Variants in R3HCC1L observed in about 807,000 individuals in gnomAD.
R3HCC1L encodes the protein R3H domain and coiled-coil containing 1 like.
A neutral mutation model predicts 59.9 loss-of-function variants in R3HCC1L; 51 were observed. That is an observed-to-expected ratio of 0.85 (90% confidence interval 0.68 to 1.07). The LOEUF is 1.07. R3HCC1L is among the 50% of genes least tolerant of loss of function. R3HCC1L has a pLI of 0.00. For synonymous variants in R3HCC1L, 322 were observed against 315.2 expected (o/e 1.02, Z -0.23); for missense variants, 965 against 933.0 (o/e 1.03, Z -0.45).
intron 5 of R3HCC1L, among the ~76,000 whole-genome samples, chr10:98,212,207 T>A (rs1853662285): frequency 6.6e-6 from 1 of 152,190 alleles, no homozygotes; most frequent in African/African-American, 2.4e-5. Flanking sequence ...TCCAGCAACA[T>A]TAATAGCCCT....
At chr10:98,210,025 G>T in intron 5 of R3HCC1L, 126 bp downstream of exon 5, 1 of 709,192 alleles carries the variant, frequency 1.4e-6, no homozygotes, top group South Asian at 2.0e-5. Flanking sequence ...TAATAGGCTT[G>T]TAGATTAAGA....
At chr10:98,191,125 T>C (rs1255913339) in intron 4 of R3HCC1L, among the ~76,000 whole-genome samples, 1 of 152,202 alleles carries the variant, frequency 6.6e-6, no homozygotes, top group Non-Finnish European at 1.5e-5. Context: ...TGTGTGTGTG[T>C]GTCTTTATAG....
chr10:98,135,260 C>T (rs1489710309), intron 1 of R3HCC1L, among the ~76,000 whole-genome samples: 3 of 152,206 alleles, frequency 2.0e-5, no homozygotes, highest in African/African-American at 7.2e-5. Context: ...TGAGTGCAGC[C>T]CCCTCTCAGT....
At chr10:98,195,605 T>C (rs1851349840) in intron 4 of R3HCC1L, among the ~76,000 whole-genome samples, 1 of 151,874 alleles carries the variant, frequency 6.6e-6, no homozygotes, top group Non-Finnish European at 1.5e-5. Flanking sequence ...AAAAAAAAAC[T>C]CTTTGTTAGC....
At chr10:98,234,866 C>A (rs933433855) in intron 7 of R3HCC1L, among the ~76,000 whole-genome samples, 1 of 151,786 alleles carries the variant, frequency 6.6e-6, no homozygotes, top group African/African-American at 2.4e-5. Flanking sequence ...TTTAATTAGC[C>A]CTTTAACCTG....
At position 98,235,662 on chromosome 10, in the gene R3HCC1L, A is replaced by C. The variant is rs1037045717; in HGVS notation, c.2128+142A>C. ...GAAATATGTTTTTAAGAAAAAATAAATAAAAGGGAAATGACCATGTTGGAA... is the reference window on the plus strand; with the variant it reads ...GAAATATGTTTTTAAGAAAAAATAACTAAAAGGGAAATGACCATGTTGGAA... On this transcript the variant is annotated intron_variant, in intron 8 of 9. Transcript: ENST00000298999. The C allele has an allele frequency of 5.3e-6, 4 of 752,682 alleles. No homozygotes were observed. In the Admixed American group the frequency reaches 1.4e-4, roughly 26 times the overall value. The allele number at this position is 752,682 out of a possible 1,614,324, so 46.6% of individuals were successfully genotyped here. A position where few individuals can be genotyped will look rare whatever the true frequency, so the allele number is the denominator to read the frequency against.
At chr10:98,179,054 T>G (rs1278018941) in intron 4 of R3HCC1L, among the ~76,000 whole-genome samples, 2 of 152,196 alleles carry the variant, frequency 1.3e-5, no homozygotes, top group Non-Finnish European at 2.9e-5. Flanking sequence ...TACCCTTTAT[T>G]TCTTTCTCTT....
At chr10:98,167,667 A>T (rs2134281537) in intron 4 of R3HCC1L, among the ~76,000 whole-genome samples, 1 of 152,360 alleles carries the variant, frequency 6.6e-6, no homozygotes, top group Non-Finnish European at 1.5e-5. Context: ...TTTTAGTCTT[A>T]CAGTAGTAGT....
At chr10:98,184,535 A>G (rs1041253716) in intron 4 of R3HCC1L, among the ~76,000 whole-genome samples, 2 of 152,152 alleles carry the variant, frequency 1.3e-5, no homozygotes, top group African/African-American at 4.8e-5. Flanking sequence ...TTGTCTGTGT[A>G]AGTATACTCT....
intron 4 of R3HCC1L, among the ~76,000 whole-genome samples, chr10:98,199,348 T>C (rs143533803): frequency 2.0e-3 from 299 of 152,220 alleles, no homozygotes; most frequent in African/African-American, 6.8e-3. Context: ...CCAATAAATA[T>C]CTGCTTATCA....
chr10:98,178,544 C>T (rs549150922), intron 4 of R3HCC1L, among the ~76,000 whole-genome samples: 53 of 152,218 alleles, frequency 3.5e-4, no homozygotes, highest in African/African-American at 5.5e-4. Flanking sequence ...CTTGGCAATG[C>T]GGGCTCTTTT....
intron 5 of R3HCC1L, among the ~76,000 whole-genome samples, chr10:98,222,790 A>G (rs1298926398): frequency 6.6e-6 from 1 of 152,168 alleles, no homozygotes; most frequent in Non-Finnish European, 1.5e-5. Flanking sequence ...ATAGACCGCT[A>G]GCAAGACTAA....
rs865837037 is a variant in R3HCC1L, at chr10:98,220,625, G to A, written c.1785+10726G>A. 5.1e-3 allele frequency among the ~76,000 whole-genome samples: 705 copies of A among 138,846 alleles called. 1 individual carries two copies. The highest frequency in any genetic ancestry group is 8.3e-3 in the Admixed American group (110 of 13,284). 91.1% of individuals were successfully genotyped at this position (138,846 alleles called of 152,430 possible). A position where few individuals can be genotyped will look rare whatever the true frequency, so the allele number is the denominator to read the frequency against. ...TTCCCACCTATGAGTGAGAATATGC[G>A]GTGTTTGGTTTTTTGTTCTTGCGAT... On this transcript the variant is annotated intron_variant, in intron 5 of 9. Transcript: ENST00000298999.
In R3HCC1L at chr10:98,157,533, T is replaced by C. The variant is rs140321611; in HGVS notation, c.-213+1386T>C. Reference sequence around the variant, plus strand: ...CGGCATTTCACTTCCAGTTCCAGAGTTGGTATGGCCAGTCCCTGACTCTCA... The same window carrying C: ...CGGCATTTCACTTCCAGTTCCAGAGCTGGTATGGCCAGTCCCTGACTCTCA... On this transcript the variant is annotated intron_variant, in intron 2 of 9. Coordinates refer to ENST00000298999, the MANE Select transcript of R3HCC1L (RefSeq NM_001351015.2). Among the ~76,000 whole-genome samples, 347 of 152,306 alleles carry C rather than the reference T, an allele frequency of 2.3e-3. 1 individual carries two copies. Among genetic ancestry groups the C allele is most frequent in the African/African-American group, 7.8e-3 (326 of 41,562 alleles).
chr10:98,195,599 A>T (rs1851346909), intron 4 of R3HCC1L, among the ~76,000 whole-genome samples: 1 of 152,170 alleles, frequency 6.6e-6, no homozygotes, highest in Non-Finnish European at 1.5e-5. Context: ...ACACACAAAA[A>T]AAAACTCTTT....
intron 4 of R3HCC1L, among the ~76,000 whole-genome samples, chr10:98,187,263 A>T (rs560191516): frequency 6.6e-6 from 1 of 152,198 alleles, no homozygotes; most frequent in South Asian, 2.1e-4. Flanking sequence ...CTAACCTGAA[A>T]ATCTGAAATC....
intron 1 of R3HCC1L, among the ~76,000 whole-genome samples, chr10:98,143,609 T>C (rs991551820): frequency 6.6e-6 from 1 of 152,198 alleles, no homozygotes; most frequent in East Asian, 1.9e-4. Context: ...GCTTCAAAAA[T>C]TAGGATAAGA....
At chr10:98,195,481 G>A (rs1157680307) in intron 4 of R3HCC1L, among the ~76,000 whole-genome samples, 3 of 148,412 alleles carry the variant, frequency 2.0e-5, no homozygotes, top group South Asian at 2.1e-4. Flanking sequence ...TGCACAAAAC[G>A]TCTATAAGCA....
intron 7 of R3HCC1L, among the ~76,000 whole-genome samples, chr10:98,234,880 A>G (rs1383349933): frequency 2.0e-5 from 3 of 152,086 alleles, no homozygotes; most frequent in Non-Finnish European, 4.4e-5. Context: ...TAACCTGTCT[A>G]GTGAGAAATT....
Sources: allele counts gnomAD v4.1 joint callset (sites outside exome capture counted in the v4.1 genomes callset), GRCh38; gene constraint gnomAD v4.1.1; transcripts MANE v1.5; gene names NCBI Gene and HGNC (gene_info 2026-07-23, HGNC 2026-07-21).